The following ELP4 variants were observed in gnomAD, a reference collection of about 807,000 sequenced individuals.
ELP4 encodes elongator complex protein 4.
ELP4 carries 51 observed loss-of-function variants against 48.9 expected under a neutral mutation model. The observed-to-expected ratio is 1.04, with a 90% CI of 0.83 to 1.32. The LOEUF (loss-of-function observed/expected upper bound fraction) is 1.32. Ranked by LOEUF, ELP4 falls within the 40% of genes most tolerant of loss-of-function variation. The probability of loss-of-function intolerance (pLI) is 0.00; values close to 1 mark genes in which losing one functional copy is unlikely to be tolerated. For missense variants in ELP4, 519 were observed against 514.6 expected (o/e 1.01, Z -0.08); for synonymous variants, 210 against 189.2 (o/e 1.11, Z -0.90).
intron 9 of ELP4, among the ~76,000 whole-genome samples, chr11:31,732,140 T>C (rs1226728058): frequency 6.6e-6 from 1 of 152,054 alleles, no homozygotes; most frequent in Non-Finnish European, 1.5e-5. Flanking sequence ...GGTAAATATA[T>C]AGACAAATAC....
chr11:31,708,031 G>A (rs1044390447), intron 9 of ELP4, among the ~76,000 whole-genome samples: 1 of 152,120 alleles, frequency 6.6e-6, no homozygotes, highest in African/African-American at 2.4e-5. Flanking sequence ...GGATAAGCAG[G>A]AGCATTATTA....
chr11:31,692,452 A>T (rs971761451), intron 9 of ELP4, among the ~76,000 whole-genome samples: 1 of 152,194 alleles, frequency 6.6e-6, no homozygotes, highest in Non-Finnish European at 1.5e-5. Context: ...ATGAATTTTG[A>T]AAACTATTTA....
chr11:31,603,811 C>T lies in ELP4; in HGVS notation c.557C>T (p.Ala186Val), dbSNP rs1173108014. 1 of 1,610,988 alleles carries T rather than the reference C, an allele frequency of 6.2e-7. No individual in the cohort carries two copies. The highest frequency in any genetic ancestry group is 8.5e-7 in the Non-Finnish European group (1 of 1,177,912). ...SSSRFGHYYD[A>V]SKRMPQELIE... ...TCAAGATTTGGTCACTATTATGATG[C>T]ATCAAAAAGAATGCCACAAGAACTA... is the stretch of plus-strand genomic sequence containing the variant. The change falls in exon 5 of 10, where the codon GCA becomes GTA. Residue 186 changes from alanine (A) to valine (V), a missense_variant. Physicochemically the swap from Ala to Val is moderately conservative, Grantham distance 64 (BLOSUM62 0). Coordinates refer to ENST00000640961, the MANE Select transcript of ELP4 (RefSeq NM_019040.5).
chr11:31,716,303 G>A (rs905318105), intron 9 of ELP4, among the ~76,000 whole-genome samples: 1 of 152,122 alleles, frequency 6.6e-6, no homozygotes, highest in Non-Finnish European at 1.5e-5. Flanking sequence ...ACAAGCCACC[G>A]TGCTCTGCCT....
intron 9 of ELP4, among the ~76,000 whole-genome samples, chr11:31,697,390 G>A (rs1946432271): frequency 6.6e-6 from 1 of 152,074 alleles, no homozygotes; most frequent in Admixed American, 6.6e-5. Context: ...TATAATGGAA[G>A]AGGAAAGCCT....
At chr11:31,560,615 GAAAAGTCTATCCAC>G (rs1005914410) in intron 3 of ELP4, among the ~76,000 whole-genome samples, 2 of 147,232 alleles carry the variant, frequency 1.4e-5, no homozygotes, top group African/African-American at 5.1e-5. Context: ...TGATTAAGTG[GAAAAGTCTATCCAC>G]TTTTTAAAAT....
At chr11:31,524,560 C>T (rs1045022433) in intron 2 of ELP4, among the ~76,000 whole-genome samples, 4 of 152,192 alleles carry the variant, frequency 2.6e-5, no homozygotes, top group African/African-American at 9.7e-5. Flanking sequence ...GGAAGAGATA[C>T]ACAAAGGCAT....
intron 9 of ELP4, among the ~76,000 whole-genome samples, chr11:31,755,730 CAAAAA>C (rs58181247): frequency 1.0e-5 from 1 of 99,246 alleles, no homozygotes; most frequent in Non-Finnish European, 2.3e-5. Flanking sequence ...CCTGGAATTA[CAAAAA>C]AAAAAAAAAA....
chr11:31,577,272 C>G (rs1957300696), intron 3 of ELP4, among the ~76,000 whole-genome samples: 1 of 152,142 alleles, frequency 6.6e-6, no homozygotes, highest in African/African-American at 2.4e-5. Context: ...ATAACAGATT[C>G]TGAAATTGAG....
chr11:31,531,535 ATTAG>A (rs1034853184), intron 2 of ELP4, among the ~76,000 whole-genome samples: 4 of 152,240 alleles, frequency 2.6e-5, no homozygotes, highest in African/African-American at 4.8e-5. Context: ...AGGTGAGCAA[ATTAG>A]TTAGCCAGAG....
chr11:31,789,844 T>G lies in ELP4; in HGVS notation c.*6320T>G, dbSNP rs572377074. On this transcript the variant is annotated 3_prime_UTR_variant, in exon 10 of 10. Transcript: ENST00000640961. ...AAGCGGCTCTAACAGCCATTTTTCTTTCTTTCCTGAAAGCTCAACTGTTGT... is the reference window on the plus strand; with the variant it reads ...AAGCGGCTCTAACAGCCATTTTTCTGTCTTTCCTGAAAGCTCAACTGTTGT... The G allele has an allele frequency of 1.4e-4, 176 of 1,228,426 alleles. No individual in the cohort carries two copies. Among genetic ancestry groups the G allele is most frequent in the Non-Finnish European group, 2.0e-4 (170 of 852,120 alleles). 76.1% of individuals were successfully genotyped at this position (1,228,426 alleles called of 1,614,324 possible).
intron 3 of ELP4, among the ~76,000 whole-genome samples, chr11:31,552,589 C>T (rs1452873435): frequency 6.6e-6 from 1 of 152,108 alleles, no homozygotes; most frequent in South Asian, 2.1e-4. Context: ...ATCCTTAACC[C>T]TTTATCTCCT....
chr11:31,697,172 A>T (rs904935753), intron 9 of ELP4, among the ~76,000 whole-genome samples: 5 of 152,134 alleles, frequency 3.3e-5, no homozygotes, highest in African/African-American at 1.2e-4. Flanking sequence ...AAGTCCTTAG[A>T]GACCTACAAA....
intron 9 of ELP4, among the ~76,000 whole-genome samples, chr11:31,772,858 A>C (rs1341752153): frequency 1.3e-5 from 2 of 152,256 alleles, no homozygotes; most frequent in Non-Finnish European, 2.9e-5. Context: ...TCCAGGCATG[A>C]GTGAGGAATC....
rs371522277 is a variant in ELP4 at position 31,787,633 on chromosome 11, C to T, written c.*4109C>T. The T allele has an allele frequency of 1.7e-5, 4 of 232,016 alleles. No homozygotes were observed. In the East Asian group the frequency reaches 2.4e-4, roughly 14 times the overall value. The allele number at this position is 232,016 out of a possible 1,614,324, so 14.4% of individuals were successfully genotyped here. On this transcript the variant is annotated 3_prime_UTR_variant, in exon 10 of 10. Coordinates refer to ENST00000640961, the MANE Select transcript of ELP4 (RefSeq NM_019040.5). ...CCAACAGTGCGTATGTGTGCTCACT[C>T]CCCTGCAGAAATGTGCTGCTGTGCA... is the stretch of plus-strand genomic sequence containing the variant.
chr11:31,648,583 ATTATTC>A (rs1416612183), intron 8 of ELP4: 1 of 151,402 alleles, frequency 6.6e-6, no homozygotes, highest in Non-Finnish European at 1.5e-5. Context: ...ATTTTTACCT[ATTATTC>A]TTAGTATAAA....
chr11:31,544,710 T>C (rs1453208616), intron 3 of ELP4, among the ~76,000 whole-genome samples: 1 of 152,190 alleles, frequency 6.6e-6, no homozygotes, highest in African/African-American at 2.4e-5. Flanking sequence ...CAAGTGGGTC[T>C]CTGACCCCTG....
At chr11:31,532,864 C>T (rs1202188020) in intron 2 of ELP4, among the ~76,000 whole-genome samples, 3 of 147,096 alleles carry the variant, frequency 2.0e-5, no homozygotes, top group Admixed American at 6.8e-5. Context: ...CTCTGCCTTC[C>T]GGATTTAAGC....
intron 9 of ELP4, among the ~76,000 whole-genome samples, chr11:31,685,886 A>G (rs1166656490): frequency 6.6e-6 from 1 of 151,492 alleles, no homozygotes; most frequent in Admixed American, 6.6e-5. Context: ...ATCCGAGATC[A>G]CGCCACTGCA....
Sources: allele counts gnomAD v4.1 joint callset (sites outside exome capture counted in the v4.1 genomes callset), GRCh38; gene constraint gnomAD v4.1.1; transcripts MANE v1.5; gene names NCBI Gene and HGNC (gene_info 2026-07-23, HGNC 2026-07-21).